Variants in GOLM1 observed in about 807,000 individuals in gnomAD.
The protein encoded by GOLM1 is golgi membrane protein 1.
GOLM1 carries 31 observed loss-of-function variants against 50.5 expected under a neutral mutation model. That is an observed-to-expected ratio of 0.61 (90% CI 0.46 to 0.83). The LOEUF is 0.83. GOLM1 is among the 40% of genes least tolerant of loss of function. The pLI, the probability that GOLM1 is intolerant of heterozygous loss-of-function variation, is 0.00. For synonymous variants in GOLM1, 178 were observed against 192.8 expected, an observed-to-expected ratio of 0.92 and a Z score of 0.64; for missense variants, 491 against 501.3, an observed-to-expected ratio of 0.98 and a Z score of 0.20.
chr9:86,030,241 A>AAAGTT lies in GOLM1; in HGVS notation c.1130-2349_1130-2348insAACTT, dbSNP rs1480865237. Among the ~76,000 whole-genome samples the AAAGTT allele has an allele frequency of 1.1e-3, 159 of 150,204 alleles. 1 individual carries two copies. The highest frequency in any genetic ancestry group is 2.4e-3 in the African/African-American group (98 of 40,236). On this transcript the variant is annotated intron_variant, in intron 9 of 9. Transcript: ENST00000388712. ...CTCAAAAAAAAAAAAAAAAAAAAAA[A>AAAGTT]AGAATAGAAGTAAGACAGTGACCAG... is the stretch of plus-strand genomic sequence containing the variant.
intron 3 of GOLM1, among the ~76,000 whole-genome samples, chr9:86,053,482 CACACATCACAT>C (rs1833850147): frequency 4.7e-4 from 3 of 6,394 alleles, no homozygotes; most frequent in African/African-American, 6.6e-4. Context: ...CTCCATACCA[CACACATCACAT>C]ACCACACTAC....
intron 3 of GOLM1, among the ~76,000 whole-genome samples, chr9:86,053,585 ACCACACCACT>A (rs1833867778): frequency 7.2e-4 from 1 of 1,386 alleles, no homozygotes; most frequent in Non-Finnish European, 3.3e-3. Context: ...CACACCACAC[ACCACACCACT>A]CCACACACAC....
At position 86,035,510 on chromosome 9, in the gene GOLM1, C is replaced by G. The variant is rs1383846715; in HGVS notation, c.873G>C (p.Gly291=). 1.2e-6 allele frequency: 2 copies of G among 1,612,778 alleles called. No homozygotes were observed. Residue 291 remains glycine (G), a synonymous_variant, in exon 8 of 10, where the codon GGG becomes GGC. Transcript: ENST00000388712. ...EDRPVGGRGF[G]GAGELGQTPQ... ...GGGTCTGGCCCAGTTCTCCGGCTCC[C>G]CCGAAGCCTCTTCCACCTACAGGTC...
intron 1 of GOLM1, among the ~76,000 whole-genome samples, chr9:86,093,644 A>T (rs1438517653): frequency 1.3e-5 from 2 of 149,400 alleles, no homozygotes; most frequent in Non-Finnish European, 2.9e-5. Context: ...TTAATTTAAA[A>T]ATTCAACCTA....
chr9:86,076,116 T>C (rs1834602751), intron 3 of GOLM1, among the ~76,000 whole-genome samples: 1 of 152,076 alleles, frequency 6.6e-6, no homozygotes, highest in South Asian at 2.1e-4. Context: ...GGTACACGCA[T>C]TATAAAAGCC....
chr9:86,035,513 G>A lies in GOLM1; in HGVS notation c.870C>T (p.Phe290=), dbSNP rs143510742. Residue 290 remains phenylalanine (F), a synonymous_variant, in exon 8 of 10, where the codon TTC becomes TTT. Transcript: ENST00000388712. The stretch of plus-strand genomic sequence containing the variant: ...TCTGGCCCAGTTCTCCGGCTCCCCC[G>A]AAGCCTCTTCCACCTACAGGTCTGT... ...VEDRPVGGRG[F]GGAGELGQTP... 456 of 1,612,644 alleles carry A rather than the reference G, an allele frequency of 2.8e-4. No individual in the cohort carries two copies. In the African/African-American group the frequency reaches 4.0e-3, roughly 14 times the overall value.
intron 8 of GOLM1, among the ~76,000 whole-genome samples, chr9:86,034,668 A>G (rs1379005535): frequency 6.6e-6 from 1 of 152,226 alleles, no homozygotes; most frequent in Non-Finnish European, 1.5e-5. Context: ...TGAAGTGAAA[A>G]TTAGATTTAA....
At chr9:86,088,420 G>GCATATATATATATATATA (rs1835048729) in intron 1 of GOLM1, among the ~76,000 whole-genome samples, 1 of 86,306 alleles carries the variant, frequency 1.2e-5, no homozygotes, top group Non-Finnish European at 2.1e-5. Flanking sequence ...TTTGAAGGGT[G>GCATATATATATATATATA]TATATATATA....
chr9:86,056,897 C>A (rs1240295881), intron 3 of GOLM1, among the ~76,000 whole-genome samples: 1 of 151,792 alleles, frequency 6.6e-6, no homozygotes, highest in Non-Finnish European at 1.5e-5. Context: ...AGCTCCTGTC[C>A]TCAAGTAATC....
intron 3 of GOLM1, 30 bp downstream of exon 3, chr9:86,077,382 A>G (rs1368123021): frequency 3.8e-6 from 6 of 1,580,672 alleles, no homozygotes; most frequent in Non-Finnish European, 5.2e-6. Flanking sequence ...CCCTTAGAAA[A>G]GAACTGAGAG....
intron 3 of GOLM1, among the ~76,000 whole-genome samples, chr9:86,058,367 A>C (rs1834049314): frequency 6.6e-6 from 1 of 152,248 alleles, no homozygotes; most frequent in Non-Finnish European, 1.5e-5. Flanking sequence ...AGTGAAATGC[A>C]AATCAAAATG....
intron 9 of GOLM1, among the ~76,000 whole-genome samples, chr9:86,028,800 A>T (rs1211384382): frequency 6.6e-6 from 1 of 151,150 alleles, no homozygotes; most frequent in Non-Finnish European, 1.5e-5. Context: ...TGAAGAAGAA[A>T]GCCATACCCC....
Position 86,040,598 on chromosome 9 carries a change from G to C in GOLM1, c.597+141C>G, listed in dbSNP as rs1833309016. ...TAGGGTCCAGTCATCCCAGTACCAG[G>C]TTCTGCTCTGTTATATCTCAGGGAG... On this transcript the variant is annotated intron_variant, in intron 6 of 9. Coordinates refer to ENST00000388712, the MANE Select transcript of GOLM1 (RefSeq NM_016548.4). 9 of 720,564 alleles carry C rather than the reference G, an allele frequency of 1.2e-5. No homozygotes were observed. The South Asian group carries it at 1.3e-4, about 11-fold the overall frequency. 44.6% of individuals were successfully genotyped at this position (720,564 alleles called of 1,614,324 possible).
intron 3 of GOLM1, among the ~76,000 whole-genome samples, chr9:86,071,678 G>GAA (rs113944849): frequency 7.9e-6 from 1 of 126,368 alleles, no homozygotes; most frequent in Non-Finnish European, 1.7e-5. Context: ...GTCTCAAAAA[G>GAA]AAAAAAAAAA....
chr9:86,053,586 C>CACATCACA (rs1833867968), intron 3 of GOLM1, among the ~76,000 whole-genome samples: 2 of 994 alleles, frequency 2.0e-3, no homozygotes, highest in Non-Finnish European at 8.8e-3. Flanking sequence ...ACACCACACA[C>CACATCACA]CACACCACTC....
chr9:86,096,273 A>G (rs1374067490), intron 1 of GOLM1, among the ~76,000 whole-genome samples: 1 of 151,712 alleles, frequency 6.6e-6, no homozygotes, highest in Non-Finnish European at 1.5e-5. Context: ...ATAAAGTTTT[A>G]CTGGAACAGA....
chr9:86,074,327 G>C (rs1038951942), intron 3 of GOLM1, among the ~76,000 whole-genome samples: 5 of 151,488 alleles, frequency 3.3e-5, no homozygotes, highest in African/African-American at 9.7e-5. Flanking sequence ...GAGCTAGTTA[G>C]AACACAGCAG....
intron 3 of GOLM1, among the ~76,000 whole-genome samples, chr9:86,053,128 AC>A (rs1185604584): frequency 1.7e-5 from 1 of 58,524 alleles, no homozygotes; most frequent in Non-Finnish European, 3.3e-5. Flanking sequence ...CACACCACAC[AC>A]CACACCAAAC....
Position 86,035,555 on chromosome 9 carries a change from C to G in GOLM1, c.828G>C (p.Arg276=). ...QRDRLPQEPG[R]EQVVEDRPVG... is the part of the protein sequence containing the mutation. The stretch of plus-strand genomic sequence containing the variant: ...CAGGTCTGTCTTCCACCACCTGCTC[C>G]CGGCCTGGCTCCTGCGGCAGCCTGT... The change falls in exon 8 of 10, where the codon CGG becomes CGC. Residue 276 remains arginine, a synonymous_variant. Coordinates refer to ENST00000388712, the MANE Select transcript of GOLM1 (RefSeq NM_016548.4). 1.2e-6 allele frequency: 2 copies of G among 1,610,914 alleles called. No homozygotes were observed. Among genetic ancestry groups the G allele is most frequent in the Non-Finnish European group, 1.7e-6 (2 of 1,179,918 alleles).
Sources: gnomAD v4.1 joint callset for allele counts (sites outside exome capture counted in the v4.1 genomes callset) on GRCh38, gnomAD v4.1.1 for gene constraint, MANE v1.5 for transcripts, NCBI Gene and HGNC (gene_info 2026-07-23, HGNC 2026-07-21) for gene names.